EPM2A: variants seen among roughly 807,000 people sequenced by gnomAD.
The protein encoded by EPM2A is EPM2A glucan phosphatase, laforin, also known as laforin.
In EPM2A, 21 loss-of-function variants were observed where a neutral mutation model predicts 26.5. That is an observed-to-expected ratio of 0.79 (90% confidence interval 0.56 to 1.14). The LOEUF is 1.14. Ranked by LOEUF, EPM2A falls within the 50% of genes most tolerant of loss-of-function variation. The probability of loss-of-function intolerance (pLI) is 0.00; values close to 1 mark genes in which losing one functional copy is unlikely to be tolerated. For synonymous variants in EPM2A, 217 were observed against 177.6 expected, an observed-to-expected ratio of 1.22 and a Z score of -1.76; for missense variants, 458 against 440.8, an observed-to-expected ratio of 1.04 and a Z score of -0.35.
intron 2 of EPM2A, among the ~76,000 whole-genome samples, chr6:145,574,915 T>C (rs561621028): frequency 6.6e-6 from 1 of 152,328 alleles, no homozygotes; most frequent in African/African-American, 2.4e-5. Flanking sequence ...GTTCTCCATA[T>C]TTCTGCTTAT....
rs771963476 is a variant in EPM2A at position 145,454,360 on chromosome 6, T to C, written c.555+48162A>G. On this transcript the variant is annotated intron_variant, in intron 4 of 4. Transcript: ENST00000638717. ...ATTCTAATGATACCAGGAAACCAGA[T>C]CAGCAAGCCCCAAAGCTGGTTTTTA... 4.0e-4 allele frequency among the ~76,000 whole-genome samples: 61 copies of C among 152,200 alleles called. 1 individual carries two copies. The highest frequency in any genetic ancestry group is 2.6e-3 in the Admixed American group (40 of 15,282).
chr6:145,441,891 A>AAAAACT (rs1439993604), intron 4 of EPM2A, among the ~76,000 whole-genome samples: 2 of 152,060 alleles, frequency 1.3e-5, no homozygotes, highest in Non-Finnish European at 2.9e-5. Flanking sequence ...AAACAAAAAC[A>AAAAACT]AAAACTGAAT....
At chr6:145,628,920 C>T (rs1249825967) in intron 3 of EPM2A, 1 of 152,278 alleles carries the variant, frequency 6.6e-6, no homozygotes, top group Admixed American at 6.5e-5. Context: ...GAGGCATCAG[C>T]ACCTGAGAAG....
chr6:145,426,840 G>A (rs901393227), intron 4 of EPM2A, among the ~76,000 whole-genome samples: 1 of 152,092 alleles, frequency 6.6e-6, no homozygotes, highest in Non-Finnish European at 1.5e-5. Flanking sequence ...CAAAGAGACT[G>A]TATTTTATTC....
chr6:145,668,772 G>A (rs1014099028), intron 2 of EPM2A, among the ~76,000 whole-genome samples: 1 of 152,096 alleles, frequency 6.6e-6, no homozygotes, highest in South Asian at 2.1e-4. Flanking sequence ...AAGTAGCTAA[G>A]GGTTATAAAG....
At chr6:145,729,434 C>T (rs891412535) in intron 1 of EPM2A, among the ~76,000 whole-genome samples, 1 of 152,230 alleles carries the variant, frequency 6.6e-6, no homozygotes, top group Non-Finnish European at 1.5e-5. Flanking sequence ...GGCAGAGATG[C>T]CCATGGCCTT....
intron 4 of EPM2A, among the ~76,000 whole-genome samples, chr6:145,410,401 T>C (rs575602041): frequency 6.6e-6 from 1 of 152,204 alleles, no homozygotes; most frequent in Non-Finnish European, 1.5e-5. Context: ...ATTGGAGCCC[T>C]ATTGGGAATT....
rs1562411275 is a variant in EPM2A, at chr6:145,626,980, C to T, written c.*436G>A. ...CTAACCTTATTTCCTCCTTTGGCAACTGACCAGCTCACGCACACATACTAG... is the reference window on the plus strand; with the variant it reads ...CTAACCTTATTTCCTCCTTTGGCAATTGACCAGCTCACGCACACATACTAG... On this transcript the variant is annotated 3_prime_UTR_variant, in exon 4 of 4. Coordinates refer to ENST00000367519, the MANE Select transcript of EPM2A (RefSeq NM_005670.4). 1.9e-6 allele frequency: 2 copies of T among 1,045,348 alleles called. No homozygotes were observed. The highest frequency in any genetic ancestry group is 2.3e-6 in the Non-Finnish European group (2 of 865,632). The allele number at this position is 1,045,348 out of a possible 1,614,324, so 64.8% of individuals were successfully genotyped here.
intron 4 of EPM2A, among the ~76,000 whole-genome samples, chr6:145,432,844 G>C (rs1332767676): frequency 1.3e-5 from 2 of 152,106 alleles, no homozygotes; most frequent in African/African-American, 4.8e-5. Flanking sequence ...ATCTTACCTT[G>C]ATCTTCTGGA....
chr6:145,496,728 A>ATT (rs1554244200), downstream of EPM2A, among the ~76,000 whole-genome samples: 39 of 106,882 alleles, frequency 3.6e-4, no homozygotes, highest in Admixed American at 9.7e-4. Context: ...AGTTCCTGCA[A>ATT]TTTTTTTTTT....
chr6:145,419,047 G>A (rs1179493305), intron 4 of EPM2A, among the ~76,000 whole-genome samples: 2 of 152,164 alleles, frequency 1.3e-5, no homozygotes, highest in Non-Finnish European at 2.9e-5. Context: ...ACTAAAGACA[G>A]CTACAATTAT....
chr6:145,735,456 CG>C lies in EPM2A; in HGVS notation c.42del (p.Gly15AlafsTer26). Reference protein sequence around the residue: ...RFGVVVPPAVAGARPELLVVG... With the variant: ...RFGVVVPPAVXGARPELLVVG... ...ACCACCAGCAGCTCCGGCCGGGCGC[CG>C]GCCACGGCGGGTGGCACCACCACCC... is the stretch of plus-strand genomic sequence containing the variant. On this transcript the variant is annotated frameshift_variant, in exon 1 of 4. Transcript: ENST00000367519. LOFTEE classifies it high-confidence loss of function. The C allele has an allele frequency of 8.1e-7, 1 of 1,233,492 alleles. No individual in the cohort carries two copies. The highest frequency in any genetic ancestry group is 1.0e-6 in the Non-Finnish European group (1 of 984,600). 76.4% of individuals were successfully genotyped at this position (1,233,492 alleles called of 1,614,324 possible).
At chr6:145,542,994 G>C (rs187847201) in intron 2 of EPM2A, among the ~76,000 whole-genome samples, 2 of 151,816 alleles carry the variant, frequency 1.3e-5, no homozygotes, top group Admixed American at 1.3e-4. Context: ...CTTGACCTCA[G>C]GTGATCCACC....
At chr6:145,590,573 T>A (rs535860857) in intron 2 of EPM2A, among the ~76,000 whole-genome samples, 1 of 152,028 alleles carries the variant, frequency 6.6e-6, no homozygotes, top group Non-Finnish European at 1.5e-5. Context: ...ATCTACAGGG[T>A]CCCTATATAA....
chr6:145,416,010 G>C (rs13199909), intron 4 of EPM2A, among the ~76,000 whole-genome samples: 1 of 152,092 alleles, frequency 6.6e-6, no homozygotes, highest in African/African-American at 2.4e-5. Context: ...GTTGTACTGT[G>C]CTCTGGGCCC....
intron 2 of EPM2A, among the ~76,000 whole-genome samples, chr6:145,679,587 G>A (rs1198139062): frequency 6.6e-6 from 1 of 151,996 alleles, no homozygotes; most frequent in Non-Finnish European, 1.5e-5. Context: ...TACTTCCAAA[G>A]AAGTAAGTTT....
intron 4 of EPM2A, among the ~76,000 whole-genome samples, chr6:145,439,441 G>GTT (rs1231790270): frequency 1.3e-5 from 2 of 152,000 alleles, no homozygotes; most frequent in African/African-American, 4.8e-5. Context: ...ATGTGTAAAT[G>GTT]TTTCCTTTTC....
At chr6:145,536,729 T>C (rs939174095) in intron 2 of EPM2A, among the ~76,000 whole-genome samples, 9 of 152,210 alleles carry the variant, frequency 5.9e-5, no homozygotes, top group African/African-American at 1.9e-4. Flanking sequence ...TGTGCAGTCA[T>C]CCACACTCAG....
At chr6:145,567,141 A>G (rs142588867) in intron 2 of EPM2A, among the ~76,000 whole-genome samples, 2 of 152,354 alleles carry the variant, frequency 1.3e-5, no homozygotes, top group Admixed American at 6.5e-5. Flanking sequence ...TATCCCATTC[A>G]TGCAAACTTT....
Sources: gnomAD v4.1 joint callset for allele counts (sites outside exome capture counted in the v4.1 genomes callset) on GRCh38, gnomAD v4.1.1 for gene constraint, MANE v1.5 for transcripts, NCBI Gene and HGNC (gene_info 2026-07-23, HGNC 2026-07-21) for gene names.